Variants in LMNA observed in about 807,000 individuals in gnomAD.
The protein encoded by LMNA is lamin A/C, also known as lamin.
A neutral mutation model predicts 70.4 loss-of-function variants in LMNA; 20 were observed. That is an observed-to-expected ratio of 0.28 (90% confidence interval 0.20 to 0.41). The LOEUF is 0.41. Among genes scored for constraint, LMNA ranks in the 10% least tolerant of loss-of-function variants. The pLI, the probability that LMNA is intolerant of heterozygous loss-of-function variation, is 1.00. For synonymous variants in LMNA, 339 were observed against 372.8 expected, an observed-to-expected ratio of 0.91 and a Z score of 1.04; for missense variants, 652 against 917.2, an observed-to-expected ratio of 0.71 and a Z score of 3.73.
At position 156,138,454 on chromosome 1, in the gene LMNA, C is replaced by T. The variant is rs536638798; in HGVS notation, c.1699-34C>T. 41 of 1,603,606 alleles carry T rather than the reference C, an allele frequency of 2.6e-5. No individual in the cohort carries two copies. The highest frequency in any genetic ancestry group is 2.3e-4 in the South Asian group (21 of 89,508). On this transcript the variant is annotated intron_variant, in intron 10 of 11. Transcript: ENST00000368300. This position sits in a 1 kb window ranked among gnomAD's most constrained non-coding sequence, Gnocchi z 5.5. ...GGGCCTGAGTGGTCAGTCCCAGACT[C>T]GCCGTCCCGCCTGAGCCTTGTCTCC...
upstream of LMNA, among the ~76,000 whole-genome samples, chr1:156,110,852 T>C (rs1649509949): frequency 6.6e-6 from 1 of 151,908 alleles, no homozygotes; most frequent in South Asian, 2.1e-4. Flanking sequence ...GGTGGGTGCC[T>C]ATAATCCCAG....
At chr1:156,119,201 TCC>T (rs1318279843) in intron 1 of LMNA, among the ~76,000 whole-genome samples, 1 of 151,454 alleles carries the variant, frequency 6.6e-6, no homozygotes, top group African/African-American at 2.4e-5. Flanking sequence ...CATTGCAACC[TCC>T]ACCTCCCAGG....
intron 1 of LMNA, among the ~76,000 whole-genome samples, chr1:156,122,234 A>G (rs1650237617): frequency 6.6e-6 from 1 of 152,172 alleles, no homozygotes; most frequent in Admixed American, 6.5e-5. Flanking sequence ...CCCTTTCACT[A>G]AATTGCTGTG....
intron 2 of LMNA, among the ~76,000 whole-genome samples, chr1:156,085,730 C>G (rs1029711382): frequency 1.3e-5 from 2 of 152,170 alleles, no homozygotes; most frequent in Non-Finnish European, 2.9e-5. Flanking sequence ...ATTGCTAAGC[C>G]TCAGTTTCCT....
intron 3 of LMNA, among the ~76,000 whole-genome samples, chr1:156,099,355 G>A (rs993330679): frequency 6.6e-6 from 1 of 152,186 alleles, no homozygotes; most frequent in African/African-American, 2.4e-5. Context: ...GACAGCTATG[G>A]AGTCAAGGTT....
chr1:156,097,287 G>T (rs1480951195), intron 3 of LMNA, among the ~76,000 whole-genome samples: 4 of 152,184 alleles, frequency 2.6e-5, no homozygotes, highest in Non-Finnish European at 5.9e-5. Flanking sequence ...GAAAGGGAAG[G>T]CTGCAGAGTG....
intron 2 of LMNA, among the ~76,000 whole-genome samples, chr1:156,089,037 G>T (rs911752920): frequency 9.2e-5 from 14 of 152,162 alleles, no homozygotes; most frequent in African/African-American, 3.4e-4. Flanking sequence ...TAATACTGCG[G>T]CATGATCTTG....
At chr1:156,133,625 A>G (rs1452911261) in intron 2 of LMNA, among the ~76,000 whole-genome samples, 1 of 152,038 alleles carries the variant, frequency 6.6e-6, no homozygotes, top group Non-Finnish European at 1.5e-5. Context: ...TCCCCTGCTC[A>G]AACATCCTCA....
chr1:156,122,190 C>A (rs1650235155), intron 1 of LMNA, among the ~76,000 whole-genome samples: 1 of 152,116 alleles, frequency 6.6e-6, no homozygotes, highest in South Asian at 2.1e-4. Context: ...ATAGTGGACA[C>A]CCTAGCCCTC....
In LMNA at chr1:156,137,139, C is replaced by A; in HGVS notation, c.1515C>A (p.Thr505=). ...TCTGGGCTGCAGGAGCTGGGGCCACCCACAGCCCCCCTACCGACCTGGTGT... is the reference window on the plus strand; with the variant it reads ...TCTGGGCTGCAGGAGCTGGGGCCACACACAGCCCCCCTACCGACCTGGTGT... The part of the protein sequence containing the change: ...VTIWAAGAGA[T]HSPPTDLVWK... Residue 505 remains threonine, a synonymous_variant, in exon 9 of 12, where the codon ACC becomes ACA. Transcript: ENST00000368300. The surrounding 1 kb of genome is among the most constrained non-coding windows in gnomAD (Gnocchi z 4.6). 2 of 1,613,586 alleles carry A rather than the reference C, an allele frequency of 1.2e-6. No individual in the cohort carries two copies. The highest frequency in any genetic ancestry group is 8.5e-7 in the Non-Finnish European group (1 of 1,179,792).
chr1:156,129,544 A>T (rs994964812), intron 1 of LMNA, among the ~76,000 whole-genome samples: 1 of 152,092 alleles, frequency 6.6e-6, no homozygotes, highest in African/African-American at 2.4e-5. Flanking sequence ...TGGTGGGCTC[A>T]TGCTTAAGCA....
At chr1:156,095,809 C>T (rs1648917470) in intron 3 of LMNA, among the ~76,000 whole-genome samples, 1 of 152,234 alleles carries the variant, frequency 6.6e-6, no homozygotes, top group South Asian at 2.1e-4. Context: ...TGGAGAGTTA[C>T]ACTCAGGCTG....
At chr1:156,133,032 G>C (rs913777359) in intron 2 of LMNA, among the ~76,000 whole-genome samples, 1 of 151,486 alleles carries the variant, frequency 6.6e-6, no homozygotes, top group Non-Finnish European at 1.5e-5. Context: ...TAGAGACAGG[G>C]TTTCACCATG....
chr1:156,108,204 C>T (rs1254992313), intron 3 of LMNA, among the ~76,000 whole-genome samples: 3 of 152,146 alleles, frequency 2.0e-5, no homozygotes, highest in African/African-American at 4.8e-5. Flanking sequence ...AGAGTAGGCA[C>T]GGTCTTCCAC....
At position 156,139,401 on chromosome 1, in the gene LMNA, C is replaced by T. The variant is rs1383436536; in HGVS notation, c.*295C>T. 7.3e-7 allele frequency: 1 copy of T among 1,369,208 alleles called. No homozygotes were observed. The highest frequency in any genetic ancestry group is 9.4e-7 in the Non-Finnish European group (1 of 1,064,406). 84.8% of individuals were successfully genotyped at this position (1,369,208 alleles called of 1,614,324 possible). ...GGAAACTCCACATCTGCCTTAAAACCAAAGAGGGCTTCCTCTAGAAGCCAA... is the reference window on the plus strand; with the variant it reads ...GGAAACTCCACATCTGCCTTAAAACTAAAGAGGGCTTCCTCTAGAAGCCAA... On this transcript the variant is annotated 3_prime_UTR_variant, in exon 12 of 12. Transcript: ENST00000368300.
chr1:156,097,944 T>C (rs1206105112), intron 3 of LMNA, among the ~76,000 whole-genome samples: 1 of 151,960 alleles, frequency 6.6e-6, no homozygotes, highest in East Asian at 1.9e-4. Flanking sequence ...CGTGTGCGTG[T>C]GTGCGTGCGT....
chr1:156,122,993 T>C (rs1650303927), intron 1 of LMNA: 1 of 152,270 alleles, frequency 6.6e-6, no homozygotes, highest in Admixed American at 6.5e-5. Context: ...CCAGGAATAA[T>C]TCTGGCTGAG....
chr1:156,135,574 T>C lies in LMNA; in HGVS notation c.936+262T>C, dbSNP rs2102885264. Among the ~76,000 whole-genome samples, 1 of 152,346 alleles carries C rather than the reference T, an allele frequency of 6.6e-6. No individual in the cohort carries two copies. Among genetic ancestry groups the C allele is most frequent in the East Asian group, 1.9e-4 (1 of 5,188 alleles). ...AAATGGAGGCTGTTCTTAATCTCCC[T>C]AACTCAGAGTTGCCACAGGACTCTG... is the stretch of plus-strand genomic sequence containing the variant. On this transcript the variant is annotated intron_variant, in intron 5 of 11. Transcript: ENST00000368300. The surrounding 1 kb of genome is among the most constrained non-coding windows in gnomAD (Gnocchi z 4.8).
At position 156,098,563 on chromosome 1, in the gene LMNA, A is replaced by G. The variant is rs141117080; in HGVS notation, c.-207+7981A>G. Among the ~76,000 whole-genome samples the G allele has an allele frequency of 4.8e-3, 726 of 152,326 alleles. 5 individuals are homozygous for G. The highest frequency in any genetic ancestry group is 0.016 in the African/African-American group (672 of 41,562). ...CATGGGAAAGACTTCTCACATATGT[A>G]TGTTAGGGGTACAAGATCTGTGGTC... On this transcript the variant is annotated intron_variant, in intron 3 of 12. Coordinates refer to the LMNA transcript ENST00000368301.
Sources: allele counts gnomAD v4.1 joint callset (sites outside exome capture counted in the v4.1 genomes callset), GRCh38; gene constraint gnomAD v4.1.1; non-coding constraint Gnocchi (gnomAD v3.1); transcripts MANE v1.5; gene names NCBI Gene and HGNC (gene_info 2026-07-23, HGNC 2026-07-21).